UBAC2: variants seen among roughly 807,000 people sequenced by gnomAD.
UBAC2 encodes the protein ubiquitin-associated domain-containing protein 2.
A neutral mutation model predicts 44.0 loss-of-function variants in UBAC2; 26 were observed. That is an observed-to-expected ratio of 0.59 (90% confidence interval 0.43 to 0.82). The LOEUF is 0.82. Among genes scored for constraint, UBAC2 ranks in the 40% least tolerant of loss-of-function variants. The probability of loss-of-function intolerance (pLI) is 0.00; values close to 1 mark genes in which losing one functional copy is unlikely to be tolerated. For synonymous variants in UBAC2, 155 were observed against 154.3 expected, an observed-to-expected ratio of 1.00 and a Z score of -0.04; for missense variants, 329 against 419.4, an observed-to-expected ratio of 0.78 and a Z score of 1.88.
At chr13:99,339,356 A>G (rs993761304) in intron 6 of UBAC2, among the ~76,000 whole-genome samples, 1 of 152,148 alleles carries the variant, frequency 6.6e-6, no homozygotes, top group African/African-American at 2.4e-5. Flanking sequence ...TTTCCTTCCC[A>G]GAACTTGCCA....
At chr13:99,278,869 G>A (rs2043917793) in intron 4 of UBAC2, among the ~76,000 whole-genome samples, 2 of 152,084 alleles carry the variant, frequency 1.3e-5, no homozygotes, top group South Asian at 2.1e-4. Flanking sequence ...ATCTAAAACC[G>A]CCATGCCTCC....
At chr13:99,358,809 CAG>C (rs1368948590) in intron 7 of UBAC2, among the ~76,000 whole-genome samples, 10 of 152,096 alleles carry the variant, frequency 6.6e-5, no homozygotes, top group African/African-American at 1.9e-4. Flanking sequence ...CACCCCAAGA[CAG>C]GGGACACAGC....
Position 99,241,149 on chromosome 13 carries a change from AG to A in UBAC2, c.159+2596del, listed in dbSNP as rs2043294429. Among the ~76,000 whole-genome samples the A allele has an allele frequency of 2.0e-5, 3 of 151,902 alleles. No individual in the cohort carries two copies. The South Asian group carries it at 6.2e-4, about 32-fold the overall frequency. On this transcript the variant is annotated intron_variant, in intron 2 of 8. Coordinates refer to ENST00000403766, the MANE Select transcript of UBAC2 (RefSeq NM_001144072.2). ...TGTGGTGGTGCACACCTGTAGTCCC[AG>A]CTACTCAGGAGGCTGAGCTGCGAGT...
At chr13:99,346,621 C>G (rs2044986636) in intron 7 of UBAC2, among the ~76,000 whole-genome samples, 1 of 152,202 alleles carries the variant, frequency 6.6e-6, no homozygotes, top group African/African-American at 2.4e-5. Context: ...TTCACCCCAC[C>G]CCTCCCACAT....
intron 8 of UBAC2, among the ~76,000 whole-genome samples, chr13:99,375,801 CTTT>C (rs34318354): frequency 4.5e-4 from 50 of 110,886 alleles, no homozygotes; most frequent in African/African-American, 8.2e-4. Flanking sequence ...TCCTTTTTCC[CTTT>C]TTTTTTTTTT....
At position 99,385,613 on chromosome 13, in the gene UBAC2, A is replaced by G. The variant is rs997491839; in HGVS notation, c.*278A>G. ...CTCGTTTTGAATGTGTTTAAAATGC[A>G]TTAAAATGGAAGATTTCTGCAGGCA... On this transcript the variant is annotated 3_prime_UTR_variant, in exon 9 of 9. Coordinates refer to ENST00000403766, the MANE Select transcript of UBAC2 (RefSeq NM_001144072.2). 5.1e-6 allele frequency: 2 copies of G among 390,012 alleles called. No homozygotes were observed. Among genetic ancestry groups the G allele is most frequent in the Non-Finnish European group, 9.5e-6 (2 of 211,488 alleles). 24.2% of individuals were successfully genotyped at this position (390,012 alleles called of 1,614,324 possible). A position where few individuals can be genotyped will look rare whatever the true frequency, so the allele number is the denominator to read the frequency against.
chr13:99,323,871 C>T (rs746723010), intron 6 of UBAC2, among the ~76,000 whole-genome samples: 8 of 152,126 alleles, frequency 5.3e-5, no homozygotes, highest in Non-Finnish European at 1.0e-4. Context: ...TTTAAATGCT[C>T]AGTGCAGAAT....
chr13:99,327,876 G>T (rs965152446), intron 6 of UBAC2, among the ~76,000 whole-genome samples: 2 of 151,890 alleles, frequency 1.3e-5, no homozygotes, highest in Non-Finnish European at 2.9e-5. Context: ...ACATACAATA[G>T]AACTCACCAA....
chr13:99,315,202 C>T (rs1488615831), intron 5 of UBAC2, among the ~76,000 whole-genome samples: 2 of 152,082 alleles, frequency 1.3e-5, no homozygotes, highest in Admixed American at 6.5e-5. Flanking sequence ...CCGTTACACG[C>T]CCCCTGATCC....
chr13:99,305,281 A>T (rs2044315586), intron 4 of UBAC2, among the ~76,000 whole-genome samples: 1 of 106,166 alleles, frequency 9.4e-6, no homozygotes, highest in Non-Finnish European at 2.6e-5. Context: ...CAGCTTTCAG[A>T]GGATTCTCAC....
chr13:99,331,162 A>G (rs1171277024), intron 6 of UBAC2, among the ~76,000 whole-genome samples: 4 of 152,220 alleles, frequency 2.6e-5, no homozygotes, highest in Admixed American at 2.0e-4. Flanking sequence ...CGTCCTGGCC[A>G]TTGAGCTGTA....
intron 6 of UBAC2, among the ~76,000 whole-genome samples, chr13:99,328,284 G>T (rs532275059): frequency 6.6e-6 from 1 of 152,102 alleles, no homozygotes; most frequent in Non-Finnish European, 1.5e-5. Context: ...TTGCTTCCAG[G>T]TTTGGATTAT....
intron 1 of UBAC2, among the ~76,000 whole-genome samples, chr13:99,227,094 A>C (rs1041499573): frequency 6.6e-6 from 1 of 151,922 alleles, no homozygotes; most frequent in African/African-American, 2.4e-5. Context: ...GCTACTCGGG[A>C]GGCTGAGACA....
intron 7 of UBAC2, chr13:99,351,518 TATA>T: frequency 2.2e-6 from 1 of 456,740 alleles, no homozygotes; most frequent in South Asian, 1.5e-5. Flanking sequence ...TAGAAGGTTA[TATA>T]GCCAGCAGCT....
chr13:99,353,304 C>G (rs2045124473), intron 7 of UBAC2, among the ~76,000 whole-genome samples: 1 of 152,244 alleles, frequency 6.6e-6, no homozygotes, highest in Non-Finnish European at 1.5e-5. Flanking sequence ...TACCTCCTTG[C>G]AGAAGCTACT....
chr13:99,296,049 C>G, intron 4 of UBAC2: 1 of 1,613,644 alleles, frequency 6.2e-7, no homozygotes, highest in African/African-American at 1.3e-5. Context: ...AGAGGCATTA[C>G]TATCCTGGCC....
chr13:99,242,447 G>C (rs1237955079), intron 2 of UBAC2, among the ~76,000 whole-genome samples: 3 of 134,734 alleles, frequency 2.2e-5, no homozygotes, highest in Admixed American at 7.3e-5. Flanking sequence ...GCGGCTGGCC[G>C]GGCGGGGGGC....
chr13:99,330,458 CAAAAAAA>C (rs59409181), intron 6 of UBAC2, among the ~76,000 whole-genome samples: 3 of 46,026 alleles, frequency 6.5e-5, no homozygotes, highest in Non-Finnish European at 1.2e-4. Flanking sequence ...GACGTCATCT[CAAAAAAA>C]AAAAAAAAAA....
At chr13:99,367,934 A>G in intron 8 of UBAC2, 28 bp downstream of exon 8, 2 of 1,599,446 alleles carry the variant, frequency 1.3e-6, no homozygotes, top group Non-Finnish European at 1.7e-6. Context: ...CCTGGTACTC[A>G]TTCTAAATCC....
Sources: allele counts gnomAD v4.1 joint callset (sites outside exome capture counted in the v4.1 genomes callset), GRCh38; gene constraint gnomAD v4.1.1; transcripts MANE v1.5; gene names NCBI Gene and HGNC (gene_info 2026-07-23, HGNC 2026-07-21).